MAGI2: variants seen among roughly 807,000 people sequenced by gnomAD.
The protein encoded by MAGI2 is membrane-associated guanylate kinase, WW and PDZ domain-containing protein 2.
MAGI2 carries 35 observed loss-of-function variants against 133.3 expected under a neutral mutation model. That is an observed-to-expected ratio of 0.26 (90% CI 0.20 to 0.35). The LOEUF (loss-of-function observed/expected upper bound fraction) is 0.35, where lower values mean the gene tolerates loss of function less well. MAGI2 is among the 10% of genes least tolerant of loss of function. The pLI, the probability that MAGI2 is intolerant of heterozygous loss-of-function variation, is 1.00. For synonymous variants in MAGI2, 729 were observed against 710.6 expected, an observed-to-expected ratio of 1.03 and a Z score of -0.41; for missense variants, 1,636 against 1,863.4, an observed-to-expected ratio of 0.88 and a Z score of 2.25.
At chr7:79,127,833 G>A (rs1264913083) in intron 1 of MAGI2, among the ~76,000 whole-genome samples, 1 of 152,172 alleles carries the variant, frequency 6.6e-6, no homozygotes, top group Non-Finnish European at 1.5e-5. Flanking sequence ...TTTGGCTTGT[G>A]TTGCCATTGC....
chr7:78,119,867 G>A (rs1318165257), intron 20 of MAGI2, among the ~76,000 whole-genome samples: 2 of 152,112 alleles, frequency 1.3e-5, no homozygotes, highest in African/African-American at 2.4e-5. Context: ...TTTGTGTAAA[G>A]ATTTAAAAAT....
chr7:78,258,426 G>GGA (rs1320901106), intron 9 of MAGI2, among the ~76,000 whole-genome samples: 1 of 152,042 alleles, frequency 6.6e-6, no homozygotes, highest in Non-Finnish European at 1.5e-5. Flanking sequence ...ACAAATACTT[G>GGA]TATACTAACA....
At chr7:78,694,262 T>C (rs201652631) in intron 2 of MAGI2, among the ~76,000 whole-genome samples, 2 of 152,138 alleles carry the variant, frequency 1.3e-5, no homozygotes, top group East Asian at 3.9e-4. Context: ...AGCAAAGTCA[T>C]ATAGTTCTTT....
intron 2 of MAGI2, among the ~76,000 whole-genome samples, chr7:78,746,547 G>T (rs1489422356): frequency 6.6e-6 from 1 of 152,160 alleles, no homozygotes; most frequent in Non-Finnish European, 1.5e-5. Flanking sequence ...TTCCAAAGAG[G>T]CAATCACCAG....
chr7:78,388,541 A>G (rs778538135), intron 6 of MAGI2, among the ~76,000 whole-genome samples: 2 of 152,134 alleles, frequency 1.3e-5, no homozygotes, highest in Admixed American at 6.5e-5. Flanking sequence ...GTAGGAGGAG[A>G]CTTTATTCTT....
intron 1 of MAGI2, among the ~76,000 whole-genome samples, chr7:79,136,081 GA>G (rs1466533864): frequency 7.9e-6 from 1 of 125,860 alleles, no homozygotes; most frequent in Non-Finnish European, 1.7e-5. Flanking sequence ...AAGAAAGAAA[GA>G]AAGAAAGAAA....
intron 1 of MAGI2, among the ~76,000 whole-genome samples, chr7:79,143,734 T>C (rs1822351212): frequency 6.6e-6 from 1 of 152,212 alleles, no homozygotes; most frequent in African/African-American, 2.4e-5. Context: ...TTAATTCTAG[T>C]AATTTTAAAA....
At chr7:78,360,477 T>C (rs948607805) in intron 7 of MAGI2, among the ~76,000 whole-genome samples, 4 of 152,252 alleles carry the variant, frequency 2.6e-5, no homozygotes, top group Non-Finnish European at 5.9e-5. Flanking sequence ...ATGATACAGA[T>C]TGTTAGCATG....
intron 6 of MAGI2, among the ~76,000 whole-genome samples, chr7:78,470,063 T>C (rs772078355): frequency 6.6e-6 from 1 of 152,124 alleles, no homozygotes; most frequent in Non-Finnish European, 1.5e-5. Context: ...CCCTGCATTT[T>C]CTTTGAAAGA....
chr7:78,463,644 A>T (rs1030104267), intron 6 of MAGI2, among the ~76,000 whole-genome samples: 2 of 152,194 alleles, frequency 1.3e-5, no homozygotes, highest in Non-Finnish European at 2.9e-5. Context: ...CATTCTGGGA[A>T]ACTCCCCCTC....
chr7:78,897,974 A>G (rs995878561), intron 2 of MAGI2, among the ~76,000 whole-genome samples: 5 of 152,236 alleles, frequency 3.3e-5, no homozygotes, highest in African/African-American at 9.6e-5. Flanking sequence ...AGCATCTATA[A>G]GGAACTTAAA....
chr7:78,318,243 C>T (rs970762167), intron 9 of MAGI2, among the ~76,000 whole-genome samples: 25 of 152,096 alleles, frequency 1.6e-4, no homozygotes, highest in Admixed American at 1.4e-3. Context: ...TTAGACGAAT[C>T]GCTAACTAGA....
chr7:78,941,497 G>C (rs1047132726), intron 2 of MAGI2, among the ~76,000 whole-genome samples: 14 of 152,066 alleles, frequency 9.2e-5, no homozygotes, highest in South Asian at 2.1e-4. Flanking sequence ...TCACAGGCCT[G>C]ACTAATTTTT....
chr7:78,196,346 G>A (rs1273642183), intron 11 of MAGI2, among the ~76,000 whole-genome samples: 1 of 152,028 alleles, frequency 6.6e-6, no homozygotes, highest in African/African-American at 2.4e-5. Flanking sequence ...GACGCAAACA[G>A]GGCTGCGTCT....
intron 9 of MAGI2, among the ~76,000 whole-genome samples, chr7:78,257,900 A>T (rs1793150040): frequency 1.3e-5 from 2 of 152,246 alleles, no homozygotes; most frequent in South Asian, 4.1e-4. Context: ...ATTCTGAGAC[A>T]TCCTTGCCCA....
chr7:78,672,111 T>TATCCAAAG (rs1184319459), intron 2 of MAGI2, among the ~76,000 whole-genome samples: 1 of 152,170 alleles, frequency 6.6e-6, no homozygotes, highest in African/African-American at 2.4e-5. Context: ...TTAAAGAAGG[T>TATCCAAAG]GATATCCTTT....
chr7:79,308,816 T>A (rs1563100698), intron 1 of MAGI2, among the ~76,000 whole-genome samples: 1 of 152,194 alleles, frequency 6.6e-6, no homozygotes, highest in Non-Finnish European at 1.5e-5. Flanking sequence ...ATCATTTCTT[T>A]TCTTAAGAAA....
intron 1 of MAGI2, among the ~76,000 whole-genome samples, chr7:79,170,065 T>C (rs1054295645): frequency 6.6e-6 from 1 of 151,018 alleles, no homozygotes; most frequent in Admixed American, 6.6e-5. Context: ...ATGACCATAG[T>C]AGGTCATCCA....
chr7:79,234,873 C>T (rs879957004), intron 1 of MAGI2, among the ~76,000 whole-genome samples: 1 of 151,676 alleles, frequency 6.6e-6, no homozygotes, highest in Non-Finnish European at 1.5e-5. Flanking sequence ...AGGCGCTCTG[C>T]GTTTTAGAGT....
Sources: gnomAD v4.1 joint callset for allele counts (sites outside exome capture counted in the v4.1 genomes callset) on GRCh38, gnomAD v4.1.1 for gene constraint, MANE v1.5 for transcripts, NCBI Gene and HGNC (gene_info 2026-07-23, HGNC 2026-07-21) for gene names.